Variants in NUDT7 observed in about 807,000 individuals in gnomAD.
The protein encoded by NUDT7 is nudix hydrolase 7, also known as peroxisomal coenzyme A diphosphatase NUDT7.
Under a neutral mutation model 13.1 loss-of-function variants are expected in NUDT7, and 19 were observed. The ratio of observed to expected loss-of-function variants is 1.45; its 90% confidence interval spans 1.01 to 2.13. The LOEUF (loss-of-function observed/expected upper bound fraction) is 2.13, where lower values mean the gene tolerates loss of function less well. Among genes scored for constraint, NUDT7 ranks in the 30% most tolerant of loss-of-function variants. The pLI, the probability that NUDT7 is intolerant of heterozygous loss-of-function variation, is 0.00. For synonymous variants in NUDT7, 132 were observed against 109.7 expected, an observed-to-expected ratio of 1.20 and a Z score of -1.27; for missense variants, 360 against 291.7, an observed-to-expected ratio of 1.23 and a Z score of -1.71.
chr16:77,734,039 G>T (rs2014400370), intron 2 of NUDT7, among the ~76,000 whole-genome samples: 1 of 152,116 alleles, frequency 6.6e-6, no homozygotes, highest in Non-Finnish European at 1.5e-5. Context: ...CCTAAAGGCA[G>T]GAAGGAATGG....
In NUDT7 at chr16:77,741,015, A is replaced by C. The variant is rs572107277; in HGVS notation, c.349-567A>C. ...ATTTTTCCATAAATGGGAATATGTC[A>C]TAACTAGTATTATATCACTTTACTT... On this transcript the variant is annotated intron_variant, in intron 3 of 3. Transcript: ENST00000268533. Among the ~76,000 whole-genome samples the C allele has an allele frequency of 2.0e-3, 305 of 152,382 alleles. 1 individual carries two copies. Among genetic ancestry groups the C allele is most frequent in the African/African-American group, 7.0e-3 (291 of 41,588 alleles).
At chr16:77,725,257 G>A (rs1348088270) in intron 1 of NUDT7, among the ~76,000 whole-genome samples, 174 bp from the exon 2 acceptor site, 1 of 151,990 alleles carries the variant, frequency 6.6e-6, no homozygotes, top group African/African-American at 2.4e-5. Context: ...TTCATCTTGC[G>A]AACAACCACG....
rs1430998973 is a variant in NUDT7, at chr16:77,725,466, G to GA, written c.74dup (p.Tyr26ValfsTer2). 6.2e-7 allele frequency: 1 copy of GA among 1,613,544 alleles called. No individual in the cohort carries two copies. The highest frequency in any genetic ancestry group is 8.5e-7 in the Non-Finnish European group (1 of 1,179,784). ...CTAGATGATGCTAAGGCCCGCTTAA[G>GA]AAAGTATGATATTGGAGGCAAATAT... On this transcript the variant is annotated frameshift_variant, in exon 2 of 4. Transcript: ENST00000268533. LOFTEE classifies it high-confidence loss of function.
intron 2 of NUDT7, 91 bp downstream of exon 2, chr16:77,725,675 A>G: frequency 3.2e-6 from 4 of 1,237,840 alleles, no homozygotes; most frequent in Non-Finnish European, 4.6e-6. Context: ...TGATGCCAAA[A>G]TTCTCAAAAG....
intron 3 of NUDT7, chr16:77,737,488 G>GTTT (rs1452463596): frequency 2.0e-5 from 3 of 146,524 alleles, no homozygotes; most frequent in African/African-American, 7.7e-5. Flanking sequence ...TTTTTTTGTT[G>GTTT]TTGTTGTTGT....
At chr16:77,740,205 C>G (rs997081742) in intron 3 of NUDT7, among the ~76,000 whole-genome samples, 2 of 152,182 alleles carry the variant, frequency 1.3e-5, no homozygotes, top group African/African-American at 2.4e-5. Flanking sequence ...CTTGTCTCCT[C>G]CTGGTCCAAA....
At position 77,722,578 on chromosome 16, in the gene NUDT7, G is replaced by A. The variant is rs367595051; in HGVS notation, c.-5G>A. 2 of 1,589,488 alleles carry A rather than the reference G, an allele frequency of 1.3e-6. No individual in the cohort carries two copies. Among genetic ancestry groups the A allele is most frequent in the South Asian group, 2.3e-5 (2 of 87,394 alleles). On this transcript the variant is annotated 5_prime_UTR_variant, in exon 1 of 4. Transcript: ENST00000268533. ...TCCGCCCGGAAACAAACATTCCCCA[G>A]GGCAATGTCACGACTTGGTCTTCCC... is the stretch of plus-strand genomic sequence containing the variant.
At chr16:77,732,307 G>A (rs995099393) in intron 2 of NUDT7, among the ~76,000 whole-genome samples, 1 of 149,698 alleles carries the variant, frequency 6.7e-6, no homozygotes, top group African/African-American at 2.5e-5. Flanking sequence ...CAGCCTGGTC[G>A]ACAGACGAGA....
intron 3 of NUDT7, among the ~76,000 whole-genome samples, chr16:77,740,728 A>G (rs2014631298): frequency 6.6e-6 from 1 of 151,502 alleles, no homozygotes; most frequent in African/African-American, 2.4e-5. Flanking sequence ...GTGTATTTTT[A>G]GTAGAGACGG....
intron 2 of NUDT7, among the ~76,000 whole-genome samples, chr16:77,727,792 G>A (rs2014184804): frequency 6.6e-6 from 1 of 152,134 alleles, no homozygotes; most frequent in South Asian, 2.1e-4. Context: ...GGGAGGTGGA[G>A]GTTGCATTGA....
Position 77,735,906 on chromosome 16 carries a change from C to G in NUDT7, c.268C>G (p.Leu90Val), listed in dbSNP as rs1030683006. 3 of 1,613,898 alleles carry G rather than the reference C, an allele frequency of 1.9e-6. No individual in the cohort carries two copies. The highest frequency in any genetic ancestry group is 2.5e-6 in the Non-Finnish European group (3 of 1,179,942). ...AGACATGGATGATGCAGCCACAGCT[C>G]TCCGGGAAGCCCAGGAGGAAGTGGG... ...PTDMDDAATA[L>V]REAQEEVGLR... Residue 90 changes from leucine (L) to valine (V), a missense_variant, in exon 3 of 4, where the codon CTC becomes GTC. Coordinates refer to ENST00000268533, the MANE Select transcript of NUDT7 (RefSeq NM_001105663.3).
chr16:77,735,093 T>G (rs8044912), intron 2 of NUDT7, among the ~76,000 whole-genome samples: 7,158 of 152,188 alleles, frequency 0.047, 562 homozygotes, highest in African/African-American at 0.16. Context: ...TAAGCAGCCA[T>G]TAAAGGACTC....
At chr16:77,729,942 A>C (rs977467214) in intron 2 of NUDT7, among the ~76,000 whole-genome samples, 3 of 152,140 alleles carry the variant, frequency 2.0e-5, no homozygotes, top group African/African-American at 7.2e-5. Context: ...CTAGCTAATC[A>C]ATGTACTAAC....
chr16:77,726,597 C>A (rs2004129), intron 2 of NUDT7, among the ~76,000 whole-genome samples: 10,724 of 152,092 alleles, frequency 0.071, 677 homozygotes, highest in African/African-American at 0.17. Context: ...CAGTTCGAGA[C>A]AAGCCTGACC....
intron 2 of NUDT7, among the ~76,000 whole-genome samples, chr16:77,729,847 T>A (rs202167495): frequency 1.2e-4 from 18 of 152,134 alleles, no homozygotes; most frequent in African/African-American, 3.4e-4. Flanking sequence ...AATAAATAAA[T>A]TTTAAATCAA....
chr16:77,734,908 A>T (rs1403054180), intron 2 of NUDT7, among the ~76,000 whole-genome samples: 1 of 152,094 alleles, frequency 6.6e-6, no homozygotes, highest in Non-Finnish European at 1.5e-5. Flanking sequence ...TTCTGGAATG[A>T]GATAGTAGGG....
intron 3 of NUDT7, among the ~76,000 whole-genome samples, chr16:77,737,237 T>C (rs760295198): frequency 2.6e-5 from 4 of 152,178 alleles, no homozygotes; most frequent in Non-Finnish European, 5.9e-5. Flanking sequence ...AGATACCATA[T>C]TGTATTTTGT....
In NUDT7 at chr16:77,724,133, C is replaced by A. The variant is rs572969694; in HGVS notation, c.36-1298C>A. ...TCCCTTAGAAGGCTCTGGGGGTGAC[C>A]TTTCCTTGCCTCTTCCAGTTTCTGG... On this transcript the variant is annotated intron_variant, in intron 1 of 3. Coordinates refer to ENST00000268533, the MANE Select transcript of NUDT7 (RefSeq NM_001105663.3). Among the ~76,000 whole-genome samples the A allele has an allele frequency of 3.9e-5, 6 of 152,286 alleles. No individual in the cohort carries two copies. In the East Asian group the frequency reaches 1.2e-3, roughly 29 times the overall value.
At chr16:77,735,001 C>T (rs1450237023) in intron 2 of NUDT7, among the ~76,000 whole-genome samples, 1 of 152,078 alleles carries the variant, frequency 6.6e-6, no homozygotes, top group African/African-American at 2.4e-5. Flanking sequence ...AATTTCACCT[C>T]GTTCAAAAAT....
Sources: gnomAD v4.1 joint callset for allele counts (sites outside exome capture counted in the v4.1 genomes callset) on GRCh38, gnomAD v4.1.1 for gene constraint, MANE v1.5 for transcripts, NCBI Gene and HGNC (gene_info 2026-07-23, HGNC 2026-07-21) for gene names.